Variants in STPG2 observed in about 807,000 individuals in gnomAD.
The protein encoded by STPG2 is sperm tail PG-rich repeat containing 2.
Under a neutral mutation model 54.2 loss-of-function variants are expected in STPG2, and 56 were observed. That is an observed-to-expected ratio of 1.03 (90% confidence interval 0.83 to 1.29). The LOEUF (loss-of-function observed/expected upper bound fraction) is 1.29, where lower values mean the gene tolerates loss of function less well. STPG2 is among the 50% of genes most tolerant of loss of function. STPG2 has a pLI of 0.00. For missense variants in STPG2, 596 were observed against 544.9 expected (o/e 1.09, Z -0.93); for synonymous variants, 200 against 181.8 (o/e 1.10, Z -0.81).
intron 8 of STPG2, among the ~76,000 whole-genome samples, chr4:97,939,669 C>G (rs1732901507): frequency 6.6e-6 from 1 of 152,170 alleles, no homozygotes; most frequent in Non-Finnish European, 1.5e-5. Flanking sequence ...TTTCCTCCAT[C>G]CCTTTATTTT....
At chr4:97,996,337 A>G (rs1368655061) in intron 5 of STPG2, among the ~76,000 whole-genome samples, 2 of 152,192 alleles carry the variant, frequency 1.3e-5, no homozygotes, top group African/African-American at 4.8e-5. Flanking sequence ...GTCAACACAA[A>G]CAAGCAATGG....
chr4:97,450,707 A>G (rs10002703), intron 4 of STPG2, among the ~76,000 whole-genome samples: 131,920 of 152,124 alleles, frequency 0.87, 57,613 homozygotes, highest in African/African-American at 0.97. Context: ...CATGAGGGAT[A>G]GTGCCACAGA....
chr4:97,705,895 T>C (rs1026385128), intron 10 of STPG2, among the ~76,000 whole-genome samples: 2 of 151,810 alleles, frequency 1.3e-5, no homozygotes, highest in Admixed American at 6.6e-5. Context: ...ACAGTAACAA[T>C]AACATATATA....
At chr4:97,629,608 C>T (rs1319783018) in intron 10 of STPG2, among the ~76,000 whole-genome samples, 2 of 151,946 alleles carry the variant, frequency 1.3e-5, no homozygotes, top group Non-Finnish European at 2.9e-5. Context: ...TTCATGAACA[C>T]ATTAACTTTC....
At chr4:97,446,747 T>A (rs1729232495) in intron 4 of STPG2, among the ~76,000 whole-genome samples, 1 of 152,204 alleles carries the variant, frequency 6.6e-6, no homozygotes, top group African/African-American at 2.4e-5. Flanking sequence ...GGTACTGGCT[T>A]CTCCTTCGCC....
At chr4:97,500,435 A>G (rs957052274) in intron 4 of STPG2, among the ~76,000 whole-genome samples, 2 of 152,086 alleles carry the variant, frequency 1.3e-5, no homozygotes, top group Non-Finnish European at 2.9e-5. Flanking sequence ...TTAGACATCC[A>G]AATGGAGATT....
At chr4:97,680,580 G>A (rs1275232097) in intron 10 of STPG2, among the ~76,000 whole-genome samples, 1 of 152,042 alleles carries the variant, frequency 6.6e-6, no homozygotes, top group Non-Finnish European at 1.5e-5. Flanking sequence ...TGCAAACAGG[G>A]ACAATTAGAC....
intron 9 of STPG2, among the ~76,000 whole-genome samples, chr4:97,724,145 T>C (rs1578508904): frequency 1.3e-5 from 2 of 152,338 alleles, no homozygotes; most frequent in Non-Finnish European, 2.9e-5. Flanking sequence ...GCAAAGTTTT[T>C]ATTAATATAG....
intron 4 of STPG2, among the ~76,000 whole-genome samples, chr4:97,510,057 G>A (rs572379042): frequency 8.6e-5 from 13 of 151,998 alleles, no homozygotes; most frequent in East Asian, 7.8e-4. Context: ...TTCTAGAGCC[G>A]GTATCCCCAG....
intron 8 of STPG2, among the ~76,000 whole-genome samples, chr4:97,849,799 A>G (rs1729092251): frequency 6.6e-6 from 1 of 151,970 alleles, no homozygotes. Context: ...GTGGAGAAAT[A>G]GGAACACTTT....
chr4:97,477,333 C>T (rs951796335), intron 4 of STPG2, among the ~76,000 whole-genome samples: 1 of 152,148 alleles, frequency 6.6e-6, no homozygotes, highest in Non-Finnish European at 1.5e-5. Context: ...CTCTGAACTC[C>T]TAATCACCTG....
intron 5 of STPG2, among the ~76,000 whole-genome samples, chr4:98,045,224 C>T (rs1737088932): frequency 6.6e-6 from 1 of 151,828 alleles, no homozygotes; most frequent in Non-Finnish European, 1.5e-5. Flanking sequence ...TGCTCATCAG[C>T]TTATGGCTTC....
At chr4:97,914,564 C>A (rs1731803129) in intron 8 of STPG2, among the ~76,000 whole-genome samples, 1 of 152,108 alleles carries the variant, frequency 6.6e-6, no homozygotes, top group South Asian at 2.1e-4. Context: ...CAAACAGAAA[C>A]ATTGTACCAT....
intron 5 of STPG2, among the ~76,000 whole-genome samples, chr4:98,054,293 AT>A (rs1318695998): frequency 1.3e-5 from 2 of 152,182 alleles, no homozygotes; most frequent in Non-Finnish European, 2.9e-5. Flanking sequence ...GTTACTCCAT[AT>A]AAAGTTTAAT....
At chr4:97,741,556 C>T (rs1181213168) in intron 9 of STPG2, among the ~76,000 whole-genome samples, 1 of 152,010 alleles carries the variant, frequency 6.6e-6, no homozygotes, top group Admixed American at 6.6e-5. Context: ...GGGCAAAGGA[C>T]ATGAACAGAC....
Position 97,972,326 on chromosome 4 carries a change from G to T in STPG2, c.887C>A (p.Ser296Ter). 1 of 1,608,448 alleles carries T rather than the reference G, an allele frequency of 6.2e-7. No homozygotes were observed. Among genetic ancestry groups the T allele is most frequent in the Non-Finnish European group, 8.5e-7 (1 of 1,177,232 alleles). Residue 296 changes from serine to a stop codon, truncating the protein, a stop_gained, in exon 7 of 11, where the codon TCG becomes TAG. Coordinates refer to ENST00000295268, the MANE Select transcript of STPG2 (RefSeq NM_174952.3). LOFTEE classifies it high-confidence loss of function. ...FGSSVPRTFF[S>*]VQKEACATPG... ...GGTAGCACAAGCTTCTTTCTGAACC[G>T]AGAAGAAAGTCCGAGGAACAGAAGA...
At chr4:98,011,537 C>T (rs1487149050) in intron 5 of STPG2, among the ~76,000 whole-genome samples, 1 of 152,202 alleles carries the variant, frequency 6.6e-6, no homozygotes, top group Non-Finnish European at 1.5e-5. Flanking sequence ...AATTGCCACA[C>T]TGTCTCCCAC....
chr4:97,936,654 T>C (rs1190317870), intron 8 of STPG2, among the ~76,000 whole-genome samples: 2 of 152,164 alleles, frequency 1.3e-5, no homozygotes, highest in Non-Finnish European at 2.9e-5. Flanking sequence ...TTTGGCCAGA[T>C]ATGAAATTCT....
chr4:98,130,750 G>T (rs767439880), intron 2 of STPG2, among the ~76,000 whole-genome samples: 5 of 151,402 alleles, frequency 3.3e-5, no homozygotes, highest in Non-Finnish European at 5.9e-5. Flanking sequence ...GTGAAACCCC[G>T]TCTCTACTAA....
Sources: gnomAD v4.1 joint callset for allele counts (sites outside exome capture counted in the v4.1 genomes callset) on GRCh38, gnomAD v4.1.1 for gene constraint, MANE v1.5 for transcripts, NCBI Gene and HGNC (gene_info 2026-07-23, HGNC 2026-07-21) for gene names.